Variants in SLC4A4 observed in about 807,000 individuals in gnomAD.
SLC4A4 encodes electrogenic sodium bicarbonate cotransporter 1.
Under a neutral mutation model 111.5 loss-of-function variants are expected in SLC4A4, and 27 were observed. The ratio of observed to expected loss-of-function variants is 0.24; its 90% CI spans 0.18 to 0.33. SLC4A4 has a LOEUF of 0.33. Ranked by LOEUF, SLC4A4 falls within the 10% of genes least tolerant of loss-of-function variation. The pLI is 1.00. For synonymous variants in SLC4A4, 443 were observed against 463.4 expected, an observed-to-expected ratio of 0.96 and a Z score of 0.57; for missense variants, 909 against 1,315.5, an observed-to-expected ratio of 0.69 and a Z score of 4.78.
intron 2 of SLC4A4, among the ~76,000 whole-genome samples, chr4:71,135,885 T>A (rs1743830381): frequency 1.3e-5 from 2 of 152,222 alleles, no homozygotes; most frequent in African/African-American, 4.8e-5. Context: ...ACTTGTACTC[T>A]TTGAGTTGTC....
At chr4:71,380,209 G>A (rs991055851) in intron 6 of SLC4A4, among the ~76,000 whole-genome samples, 2 of 152,126 alleles carry the variant, frequency 1.3e-5, no homozygotes, top group African/African-American at 2.4e-5. Flanking sequence ...GTTTCTTACT[G>A]TCTAGATCAT....
intron 2 of SLC4A4, among the ~76,000 whole-genome samples, chr4:71,098,250 C>T (rs1431017858): frequency 6.6e-6 from 1 of 152,134 alleles, no homozygotes; most frequent in Non-Finnish European, 1.5e-5. Context: ...TATGGCTAGC[C>T]AGTTATCCCA....
intron 1 of SLC4A4, among the ~76,000 whole-genome samples, chr4:71,211,756 C>G (rs1560782570): frequency 1.5e-5 from 2 of 136,476 alleles, no homozygotes; most frequent in Non-Finnish European, 3.0e-5. Flanking sequence ...GTAATAGTGT[C>G]ACTTGAATTT....
At chr4:71,416,509 A>G (rs1463839501) in intron 7 of SLC4A4, among the ~76,000 whole-genome samples, 1 of 152,156 alleles carries the variant, frequency 6.6e-6, no homozygotes, top group Non-Finnish European at 1.5e-5. Flanking sequence ...ACCATAAGTA[A>G]CTGAAACTGC....
chr4:71,397,504 A>G lies in SLC4A4; in HGVS notation c.731-73A>G. The stretch of plus-strand genomic sequence containing the variant: ...TTTCCATCATCATCTACTAATGTTT[A>G]TTAAGTATACCACCAAAGTCTTTGT... On this transcript the variant is annotated intron_variant, in intron 6 of 25. Coordinates refer to ENST00000264485, the MANE Select transcript of SLC4A4 (RefSeq NM_001098484.3). The G allele has an allele frequency of 2.4e-6, 3 of 1,262,120 alleles. No homozygotes were observed. The South Asian group carries it at 3.6e-5, about 15-fold the overall frequency. The allele number at this position is 1,262,120 out of a possible 1,614,324, so 78.2% of individuals were successfully genotyped here.
intron 7 of SLC4A4, among the ~76,000 whole-genome samples, chr4:71,430,929 A>G (rs1195360029): frequency 2.0e-5 from 3 of 152,160 alleles, no homozygotes; most frequent in East Asian, 1.9e-4. Flanking sequence ...AAGATTGGCT[A>G]TATCTAGGTC....
intron 2 of SLC4A4, among the ~76,000 whole-genome samples, chr4:71,122,727 G>A (rs759360175): frequency 6.6e-6 from 1 of 152,104 alleles, no homozygotes; most frequent in African/African-American, 2.4e-5. Flanking sequence ...CATGCTGGCC[G>A]TAGAGTTTCT....
At position 71,565,712 on chromosome 4, in the gene SLC4A4, TTTC is replaced by T. The variant is rs564401247; in HGVS notation, c.3197-1284_3197-1282del. Among the ~76,000 whole-genome samples the T allele has an allele frequency of 5.2e-4, 79 of 151,942 alleles. No individual in the cohort carries two copies. The South Asian group carries it at 5.6e-3, about 11-fold the overall frequency. Reference sequence around the variant, plus strand: ...GAATTCTAGAACAGAGCAGGTTTTGTTTCTTCTTCTGCAAATCTCTGTAACAAA... The same window carrying T: ...GAATTCTAGAACAGAGCAGGTTTTGTTTCTTCTGCAAATCTCTGTAACAAA... On this transcript the variant is annotated intron_variant, in intron 24 of 25. Transcript: ENST00000264485.
At chr4:71,423,808 C>A (rs1223452628) in intron 7 of SLC4A4, among the ~76,000 whole-genome samples, 6 of 152,072 alleles carry the variant, frequency 3.9e-5, no homozygotes, top group Admixed American at 6.6e-5. Context: ...CTGAAATTGG[C>A]TCCCTTCCTT....
At chr4:71,146,659 T>C (rs924360816) in intron 2 of SLC4A4, among the ~76,000 whole-genome samples, 53 of 152,294 alleles carry the variant, frequency 3.5e-4, no homozygotes, top group Non-Finnish European at 5.9e-4. Flanking sequence ...ATATTTAGGA[T>C]AGTTAGTTCT....
chr4:71,321,326 A>G (rs907891723), intron 3 of SLC4A4, among the ~76,000 whole-genome samples: 3 of 151,994 alleles, frequency 2.0e-5, no homozygotes, highest in Non-Finnish European at 4.4e-5. Flanking sequence ...TCTGTTGGTC[A>G]TTTGGGAAGG....
At chr4:71,560,822 G>A (rs968867190) in intron 23 of SLC4A4, among the ~76,000 whole-genome samples, 1 of 151,690 alleles carries the variant, frequency 6.6e-6, no homozygotes, top group Non-Finnish European at 1.5e-5. Flanking sequence ...GGAGTTTGGG[G>A]TCTTTTTACA....
In SLC4A4 at chr4:71,555,154, T is replaced by C. The variant is rs1280831123; in HGVS notation, c.2709T>C (p.Pro903=). Residue 903 remains proline (P), a synonymous_variant, in exon 21 of 26, where the codon CCT becomes CCC. Transcript: ENST00000264485. ...MAPILKFIPM[P]VLYGVFLYMG... is the part of the protein sequence containing the mutation. ...TTTCCTTCTAGTTTATACCCATGCC[T>C]GTACTCTATGGTGTGTTCCTGTATA... 2 of 1,609,460 alleles carry C rather than the reference T, an allele frequency of 1.2e-6. No individual in the cohort carries two copies. Among genetic ancestry groups the C allele is most frequent in the Non-Finnish European group, 1.7e-6 (2 of 1,176,500 alleles).
chr4:71,250,787 C>G (rs908959336), intron 2 of SLC4A4, among the ~76,000 whole-genome samples: 1 of 152,124 alleles, frequency 6.6e-6, no homozygotes, highest in Non-Finnish European at 1.5e-5. Flanking sequence ...AACACACCAT[C>G]AAAGTAGTGA....
At chr4:71,138,281 T>A (rs1313732335) in intron 2 of SLC4A4, among the ~76,000 whole-genome samples, 1 of 152,164 alleles carries the variant, frequency 6.6e-6, no homozygotes, top group Non-Finnish European at 1.5e-5. Flanking sequence ...GCCTCACTAA[T>A]CAATTTTTTT....
chr4:71,439,285 A>G (rs1724455796), intron 7 of SLC4A4, among the ~76,000 whole-genome samples: 1 of 151,290 alleles, frequency 6.6e-6, no homozygotes, highest in Non-Finnish European at 1.5e-5. Context: ...AAAATTACCC[A>G]GGCATGGTGA....
intron 16 of SLC4A4, among the ~76,000 whole-genome samples, chr4:71,499,645 G>T (rs1730724164): frequency 6.6e-6 from 1 of 152,046 alleles, no homozygotes; most frequent in Admixed American, 6.6e-5. Flanking sequence ...GACATTTTAG[G>T]TTTCACGTGT....
At chr4:71,541,772 G>A (rs1735090071) in intron 18 of SLC4A4, among the ~76,000 whole-genome samples, 1 of 151,990 alleles carries the variant, frequency 6.6e-6, no homozygotes, top group South Asian at 2.1e-4. Flanking sequence ...TGGGTGGGAA[G>A]AGGCTGCTGC....
chr4:71,214,285 G>T (rs1186619589), intron 1 of SLC4A4, among the ~76,000 whole-genome samples: 10 of 152,188 alleles, frequency 6.6e-5, no homozygotes, highest in Admixed American at 6.5e-4. Context: ...TAATGGCCCT[G>T]TAGGGAGGGA....
Sources: allele counts gnomAD v4.1 joint callset (sites outside exome capture counted in the v4.1 genomes callset), GRCh38; gene constraint gnomAD v4.1.1; transcripts MANE v1.5; gene names NCBI Gene and HGNC (gene_info 2026-07-23, HGNC 2026-07-21).